The following GNAQ variants were observed in gnomAD, a reference collection of about 807,000 sequenced individuals.
The protein encoded by GNAQ is guanine nucleotide-binding protein G(q) subunit alpha.
A neutral mutation model predicts 43.9 loss-of-function variants in GNAQ; 8 were observed. That is an observed-to-expected ratio of 0.18 (90% CI 0.11 to 0.33). The LOEUF (loss-of-function observed/expected upper bound fraction) is 0.33. Ranked by LOEUF, GNAQ falls within the 10% of genes least tolerant of loss-of-function variation. GNAQ has a pLI of 1.00. For missense variants in GNAQ, 158 were observed against 450.8 expected (o/e 0.35, Z 5.88); for synonymous variants, 155 against 170.7 (o/e 0.91, Z 0.71).
At chr9:77,779,422 A>G (rs1826353465) in intron 5 of GNAQ, among the ~76,000 whole-genome samples, 1 of 151,970 alleles carries the variant, frequency 6.6e-6, no homozygotes. Context: ...GCTTAGAGAC[A>G]AATTTATAGT....
At chr9:77,996,877 T>C (rs527480429) in intron 1 of GNAQ, among the ~76,000 whole-genome samples, 4 of 152,284 alleles carry the variant, frequency 2.6e-5, no homozygotes, top group South Asian at 2.1e-4. Context: ...TCTGCCACAA[T>C]TGTTACTGGT....
intron 2 of GNAQ, among the ~76,000 whole-genome samples, chr9:77,868,010 G>C (rs1827975717): frequency 6.6e-6 from 1 of 152,150 alleles, no homozygotes; most frequent in Admixed American, 6.5e-5. Context: ...CCTCAGTAGA[G>C]CCAATTTTGC....
intron 1 of GNAQ, among the ~76,000 whole-genome samples, chr9:77,984,507 T>C (rs1229649042): frequency 6.6e-6 from 1 of 152,146 alleles, no homozygotes; most frequent in Non-Finnish European, 1.5e-5. Context: ...TTAGAGTTGA[T>C]GAAATAGTTA....
At chr9:77,798,199 T>C (rs1209185594) in intron 3 of GNAQ, among the ~76,000 whole-genome samples, 3 of 152,192 alleles carry the variant, frequency 2.0e-5, no homozygotes, top group Admixed American at 1.3e-4. Context: ...ATGACATTTC[T>C]AGTTACTGCA....
intron 2 of GNAQ, among the ~76,000 whole-genome samples, chr9:77,888,597 TG>T (rs1296580113): frequency 2.0e-5 from 3 of 152,186 alleles, no homozygotes; most frequent in Non-Finnish European, 4.4e-5. Context: ...AACCTTATTT[TG>T]AGTTATCCTA....
Position 77,719,279 on chromosome 9 carries a change from A to T in GNAQ, c.*2044T>A. On this transcript the variant is annotated 3_prime_UTR_variant, in exon 7 of 7. Transcript: ENST00000286548. ...TACAATTACATAGATACATATCAAT[A>T]CAGCACATTCAATCTGCCAAAAAAT... 1 of 232,730 alleles carries T rather than the reference A, an allele frequency of 4.3e-6. No homozygotes were observed. The allele number at this position is 232,730 out of a possible 1,614,324, so 14.4% of individuals were successfully genotyped here.
At chr9:77,884,073 G>T (rs1168004422) in intron 2 of GNAQ, among the ~76,000 whole-genome samples, 1 of 152,190 alleles carries the variant, frequency 6.6e-6, no homozygotes, top group Non-Finnish European at 1.5e-5. Context: ...TGGCTGCTCT[G>T]GGTGAGAAGC....
chr9:78,005,595 A>T (rs1475886677), intron 1 of GNAQ, among the ~76,000 whole-genome samples: 1 of 152,228 alleles, frequency 6.6e-6, no homozygotes, highest in African/African-American at 2.4e-5. Flanking sequence ...TAATCACATC[A>T]GTGTGCATCT....
intron 2 of GNAQ, among the ~76,000 whole-genome samples, chr9:77,864,863 T>C (rs2117997807): frequency 6.6e-6 from 1 of 152,310 alleles, no homozygotes; most frequent in Middle Eastern, 3.4e-3. Flanking sequence ...TTCTACCACA[T>C]CATGAAATCT....
chr9:77,766,838 T>C (rs1826143963), intron 5 of GNAQ, among the ~76,000 whole-genome samples: 1 of 152,156 alleles, frequency 6.6e-6, no homozygotes, highest in East Asian at 1.9e-4. Context: ...TTGCTCTTGT[T>C]TTGAACAAGG....
At chr9:77,902,395 G>A (rs1046133308) in intron 2 of GNAQ, among the ~76,000 whole-genome samples, 1 of 152,102 alleles carries the variant, frequency 6.6e-6, no homozygotes, top group African/African-American at 2.4e-5. Flanking sequence ...ATTAGCACTA[G>A]CATCCTCCTT....
intron 1 of GNAQ, among the ~76,000 whole-genome samples, chr9:78,017,917 C>T (rs191951622): frequency 2.1e-4 from 32 of 152,042 alleles, no homozygotes; most frequent in South Asian, 1.7e-3. Flanking sequence ...AATTATGTAC[C>T]ATTTTTGCCT....
At chr9:77,993,022 C>A (rs577159810) in intron 1 of GNAQ, among the ~76,000 whole-genome samples, 1 of 152,266 alleles carries the variant, frequency 6.6e-6, no homozygotes, top group East Asian at 1.9e-4. Flanking sequence ...TCAGAACATT[C>A]CCTATCCTCT....
At chr9:77,931,195 T>C (rs1173981824) in intron 1 of GNAQ, among the ~76,000 whole-genome samples, 1 of 148,488 alleles carries the variant, frequency 6.7e-6, no homozygotes, top group Non-Finnish European at 1.5e-5. Context: ...CCTACAAGCA[T>C]CTCAATGACA....
At chr9:77,880,811 G>A (rs1391260349) in intron 2 of GNAQ, among the ~76,000 whole-genome samples, 1 of 152,070 alleles carries the variant, frequency 6.6e-6, no homozygotes, top group African/African-American at 2.4e-5. Flanking sequence ...ACTGCATGGA[G>A]TATTTTTCAC....
At chr9:77,736,606 T>C (rs1244858084) in intron 5 of GNAQ, among the ~76,000 whole-genome samples, 2 of 152,118 alleles carry the variant, frequency 1.3e-5, no homozygotes, top group Non-Finnish European at 2.9e-5. Flanking sequence ...AGGTCTAAGG[T>C]TACTAAGCAA....
At chr9:77,978,280 T>C (rs1823327720) in intron 1 of GNAQ, among the ~76,000 whole-genome samples, 1 of 152,208 alleles carries the variant, frequency 6.6e-6, no homozygotes, top group African/African-American at 2.4e-5. Context: ...TCACACTTAC[T>C]TCACCTCTAT....
chr9:77,806,453 C>T (rs1168534654), intron 3 of GNAQ, among the ~76,000 whole-genome samples: 1 of 152,122 alleles, frequency 6.6e-6, no homozygotes. Context: ...GTTAAAATAC[C>T]TTCTTTGCCT....
intron 2 of GNAQ, among the ~76,000 whole-genome samples, chr9:77,892,783 C>T (rs970211647): frequency 1.3e-5 from 2 of 152,138 alleles, no homozygotes; most frequent in South Asian, 4.1e-4. Flanking sequence ...ATTAAAAACA[C>T]TGAATGATCC....
Sources: gnomAD v4.1 joint callset for allele counts (sites outside exome capture counted in the v4.1 genomes callset) on GRCh38, gnomAD v4.1.1 for gene constraint, MANE v1.5 for transcripts, NCBI Gene and HGNC (gene_info 2026-07-23, HGNC 2026-07-21) for gene names.